The following AKAP11 variants were observed in gnomAD, a reference collection of about 807,000 sequenced individuals.
The protein encoded by AKAP11 is A-kinase anchoring protein 11, also known as A-kinase anchor protein 11.
Under a neutral mutation model 146.1 loss-of-function variants are expected in AKAP11, and 36 were observed. The observed-to-expected ratio is 0.25, with a 90% CI of 0.19 to 0.33. The LOEUF (loss-of-function observed/expected upper bound fraction) is 0.33, where lower values mean the gene tolerates loss of function less well. Among genes scored for constraint, AKAP11 ranks in the 10% least tolerant of loss-of-function variants. AKAP11 has a pLI of 1.00. For missense variants in AKAP11, 2,201 were observed against 2,197.0 expected, an observed-to-expected ratio of 1.00 and a Z score of -0.04; for synonymous variants, 780 against 786.5, an observed-to-expected ratio of 0.99 and a Z score of 0.14.
chr13:42,319,449 T>C lies in AKAP11; in HGVS notation c.*221T>C. ...ACCTTCATTTATTCTTCTATACACA[T>C]GTGTAGTGTGTCAAGACCCTAAGAA... On this transcript the variant is annotated 3_prime_UTR_variant, in exon 13 of 13. Coordinates refer to ENST00000025301, the MANE Select transcript of AKAP11 (RefSeq NM_016248.4). 5.6e-6 allele frequency: 3 copies of C among 535,546 alleles called. No individual in the cohort carries two copies. Among genetic ancestry groups the C allele is most frequent in the Non-Finnish European group, 9.4e-6 (3 of 320,338 alleles). The allele number at this position is 535,546 out of a possible 1,614,324, so 33.2% of individuals were successfully genotyped here.
At chr13:42,286,652 C>T (rs566951443) in intron 3 of AKAP11, among the ~76,000 whole-genome samples, 1 of 152,234 alleles carries the variant, frequency 6.6e-6, no homozygotes, top group Non-Finnish European at 1.5e-5. Context: ...TGCTTTTTTG[C>T]AATATAGGCT....
chr13:42,312,833 T>C (rs1435988739), intron 9 of AKAP11, among the ~76,000 whole-genome samples: 1 of 152,236 alleles, frequency 6.6e-6, no homozygotes, highest in Admixed American at 6.5e-5. Flanking sequence ...TTTCATGATC[T>C]GTTGAGAAGA....
chr13:42,311,102 G>A (rs1332168994), intron 9 of AKAP11, among the ~76,000 whole-genome samples: 1 of 152,186 alleles, frequency 6.6e-6, no homozygotes, highest in African/African-American at 2.4e-5. Flanking sequence ...GATGGGGCCA[G>A]ATTTGCAGAA....
intron 1 of AKAP11, among the ~76,000 whole-genome samples, chr13:42,283,845 C>T (rs1959111354): frequency 6.6e-6 from 1 of 152,148 alleles, no homozygotes; most frequent in Admixed American, 6.5e-5. Flanking sequence ...ATTCCTTTGT[C>T]CTGCAGTATT....
At chr13:42,299,235 T>C in intron 7 of AKAP11, 128 bp from the exon 8 acceptor site, 5 of 793,936 alleles carry the variant, frequency 6.3e-6, no homozygotes, top group Non-Finnish European at 9.6e-6. Context: ...TGAATCTTTC[T>C]GTTAAACATA....
In AKAP11 at chr13:42,319,906, G is replaced by GGTTGTGT. The variant is rs1555295200; in HGVS notation, c.*680_*681insTGTGTGT. ...TGCTGCCAGTCATTCTGGCATGAAAGGTGTGTGTGTGTGTGTGTGTGTGTG... is the reference window on the plus strand; with the variant it reads ...TGCTGCCAGTCATTCTGGCATGAAAGGTTGTGTGTGTGTGTGTGTGTGTGTGTGTGTG... On this transcript the variant is annotated 3_prime_UTR_variant, in exon 13 of 13. Transcript: ENST00000025301. 1.5e-5 allele frequency: 2 copies of GGTTGTGT among 132,662 alleles called. No homozygotes were observed. Among genetic ancestry groups the GGTTGTGT allele is most frequent in the African/African-American group, 5.5e-5 (2 of 36,464 alleles). The allele number at this position is 132,662 out of a possible 1,614,324, so 8.2% of individuals were successfully genotyped here. A position where few individuals can be genotyped will look rare whatever the true frequency, so the allele number is the denominator to read the frequency against.
At chr13:42,279,770 GT>G (rs1959019096) in intron 1 of AKAP11, among the ~76,000 whole-genome samples, 2 of 152,064 alleles carry the variant, frequency 1.3e-5, no homozygotes, top group African/African-American at 4.8e-5. Flanking sequence ...CAGCCATTGA[GT>G]TTATACTGTT....
intron 1 of AKAP11, among the ~76,000 whole-genome samples, chr13:42,282,282 T>A (rs1220101488): frequency 5.5e-5 from 8 of 144,602 alleles, no homozygotes; most frequent in African/African-American, 9.9e-5. Context: ...TTTTTTTTTT[T>A]AAATTACAAG....
chr13:42,284,794 C>T (rs968868104), intron 1 of AKAP11, among the ~76,000 whole-genome samples: 1 of 152,228 alleles, frequency 6.6e-6, no homozygotes, highest in African/African-American at 2.4e-5. Context: ...CAGGGAGACG[C>T]ATGATCGTCT....
chr13:42,288,512 T>A (rs1334745809), intron 3 of AKAP11, among the ~76,000 whole-genome samples: 1 of 152,196 alleles, frequency 6.6e-6, no homozygotes, highest in Admixed American at 6.5e-5. Flanking sequence ...AATAACAACA[T>A]CTTCCCACAT....
chr13:42,310,299 G>A (rs751321590), intron 9 of AKAP11, among the ~76,000 whole-genome samples: 2 of 152,162 alleles, frequency 1.3e-5, no homozygotes, highest in African/African-American at 2.4e-5. Context: ...GAGAAAAAGC[G>A]GGGCTCATCC....
chr13:42,280,395 A>G (rs1002663370), intron 1 of AKAP11, among the ~76,000 whole-genome samples: 2 of 152,240 alleles, frequency 1.3e-5, no homozygotes, highest in Non-Finnish European at 2.9e-5. Flanking sequence ...CTCAGATACT[A>G]TAAAGTAGAA....
chr13:42,307,657 A>G (rs1960332479), intron 8 of AKAP11, among the ~76,000 whole-genome samples: 1 of 151,778 alleles, frequency 6.6e-6, no homozygotes, highest in African/African-American at 2.4e-5. Context: ...GTATTGCTGA[A>G]GTGGGAGGAG....
In AKAP11 at chr13:42,321,968, G is replaced by GT. The variant is rs1961107176; in HGVS notation, c.*2742dup. 1 of 152,260 alleles carries GT rather than the reference G, an allele frequency of 6.6e-6. No individual in the cohort carries two copies. Among genetic ancestry groups the GT allele is most frequent in the African/African-American group, 2.4e-5 (1 of 41,436 alleles). 9.4% of individuals were successfully genotyped at this position (152,260 alleles called of 1,614,324 possible). A position where few individuals can be genotyped will look rare whatever the true frequency, so the allele number is the denominator to read the frequency against. Reference sequence around the variant, plus strand: ...ACCTTGTTCACACCAAAATGTGACAGTTCTTTCATGTTTTCCTAAACCAAG... The same window carrying GT: ...ACCTTGTTCACACCAAAATGTGACAGTTTCTTTCATGTTTTCCTAAACCAAG... On this transcript the variant is annotated 3_prime_UTR_variant, in exon 13 of 13. Coordinates refer to ENST00000025301, the MANE Select transcript of AKAP11 (RefSeq NM_016248.4).
intron 3 of AKAP11, among the ~76,000 whole-genome samples, chr13:42,286,909 T>C (rs2138481799): frequency 6.6e-6 from 1 of 152,350 alleles, no homozygotes; most frequent in East Asian, 1.9e-4. Context: ...TGCTAAAACT[T>C]TGGAGGCACT....
At chr13:42,291,870 T>A (rs1312015171) in intron 3 of AKAP11, among the ~76,000 whole-genome samples, 2 of 152,356 alleles carry the variant, frequency 1.3e-5, no homozygotes, top group Admixed American at 1.3e-4. Context: ...TCCCCTCTCA[T>A]TTTCATCAGA....
Position 42,302,839 on chromosome 13 carries a change from G to C in AKAP11, c.4093G>C (p.Asp1365His), listed in dbSNP as rs1960020545. 6 of 1,614,000 alleles carry C rather than the reference G, an allele frequency of 3.7e-6. No homozygotes were observed. In the Middle Eastern group the frequency reaches 4.9e-4, roughly 133 times the overall value. ...AGGTGGTAATAGTGAGTTGATAATG[G>C]ATCAGTATGCCAATAGGCTTGCCTA... ...QEGGNSELIM[D>H]QYANRLAYRS... The change falls in exon 8 of 13, where the codon GAT (aspartate) becomes CAT (histidine). Residue 1365 changes from aspartate to histidine, a missense_variant. Physicochemically the swap from Asp to His is moderately conservative, Grantham distance 81 (BLOSUM62 -1). Around this residue, in one of 3 missense-constraint regions of AKAP11, gnomAD observed 1,867 missense variants for 1,833.5 expected, o/e 1.02. Transcript: ENST00000025301.
Position 42,300,006 on chromosome 13 carries a change from A to G in AKAP11, c.1260A>G (p.Pro420=), listed in dbSNP as rs752711452. 2.5e-6 allele frequency: 4 copies of G among 1,614,002 alleles called. No individual in the cohort carries two copies. Among genetic ancestry groups the G allele is most frequent in the African/African-American group, 1.3e-5 (1 of 75,044 alleles). Residue 420 remains proline, a synonymous_variant, in exon 8 of 13, where the codon CCA becomes CCG. Transcript: ENST00000025301. The stretch of plus-strand genomic sequence containing the variant: ...TTAGAAAGCCAACTCCTCGTAAACC[A>G]GAATCTCCATATGGTAACCTGTGTG... ...ANVRKPTPRK[P]ESPYGNLCDA...
Position 42,302,412 on chromosome 13 carries a change from A to T in AKAP11, c.3666A>T (p.Ile1222=). 1 of 1,614,178 alleles carries T rather than the reference A, an allele frequency of 6.2e-7. No individual in the cohort carries two copies. Among genetic ancestry groups the T allele is most frequent in the African/African-American group, 1.3e-5 (1 of 75,062 alleles). Residue 1222 remains isoleucine, a synonymous_variant, in exon 8 of 13, where the codon ATA becomes ATT. Coordinates refer to ENST00000025301, the MANE Select transcript of AKAP11 (RefSeq NM_016248.4). Reference sequence around the variant, plus strand: ...CAGCTTCCCATTTAGATAACAAAATAATTCAAGAACCCAAGGTTAAAAACC... The same window carrying T: ...CAGCTTCCCATTTAGATAACAAAATTATTCAAGAACCCAAGGTTAAAAACC... ...EMAASHLDNK[I]IQEPKVKNPC... is the part of the protein sequence containing the mutation.
Sources: allele counts gnomAD v4.1 joint callset (sites outside exome capture counted in the v4.1 genomes callset), GRCh38; gene constraint gnomAD v4.1.1; regional missense constraint gnomAD v4.1.1; transcripts MANE v1.5; gene names NCBI Gene and HGNC (gene_info 2026-07-23, HGNC 2026-07-21).